BDP1: variants seen among roughly 807,000 people sequenced by gnomAD.
The protein encoded by BDP1 is BDP1 general transcription factor IIIB subunit, also known as transcription factor TFIIIB component B'' homolog.
Under a neutral mutation model 266.6 loss-of-function variants are expected in BDP1, and 169 were observed. The ratio of observed to expected loss-of-function variants is 0.63; its 90% CI spans 0.56 to 0.72. The LOEUF is 0.72. Ranked by LOEUF, BDP1 falls within the 30% of genes least tolerant of loss-of-function variation. The pLI, the probability that BDP1 is intolerant of heterozygous loss-of-function variation, is 0.00. For synonymous variants in BDP1, 1,090 were observed against 1,022.4 expected, an observed-to-expected ratio of 1.07 and a Z score of -1.26; for missense variants, 3,015 against 3,053.8, an observed-to-expected ratio of 0.99 and a Z score of 0.30.
At chr5:71,574,220 G>T in the BDP1 span, among the ~76,000 whole-genome samples, 1 of 152,114 alleles carries the variant, frequency 6.6e-6, no homozygotes, top group African/African-American at 2.4e-5. Flanking sequence ...AAGGAATGCC[G>T]CCAGATCTCA....
rs757987230 is a variant in BDP1 at position 71,458,797 on chromosome 5, G to A, written c.431G>A (p.Arg144Gln). The change falls in exon 2 of 39, where the codon CGA becomes CAA. Residue 144 changes from arginine (R) to glutamine (Q), a missense_variant. Physicochemically the swap from Arg to Gln is conservative, Grantham distance 43. Transcript: ENST00000358731. ...AAACAGCCATGCTCAGACAGATACC[G>A]AATATACAAAGCCCAGAAACTGAGG... ...KEKQPCSDRY[R>Q]IYKAQKLREM... 6.2e-6 allele frequency: 10 copies of A among 1,613,884 alleles called. No individual in the cohort carries two copies. The highest frequency in any genetic ancestry group is 3.3e-5 in the Admixed American group (2 of 59,978).
intron 26 of BDP1, among the ~76,000 whole-genome samples, chr5:71,534,025 T>C (rs1766430954): frequency 6.6e-6 from 1 of 152,230 alleles, no homozygotes; most frequent in Admixed American, 6.5e-5. Flanking sequence ...TTTGCAAATA[T>C]TTCCTCCCTT....
chr5:71,541,625 G>T lies in BDP1; in HGVS notation c.6194G>T (p.Ser2065Ile), dbSNP rs375245825. Residue 2065 changes from serine to isoleucine, a missense_variant, in exon 29 of 39, where the codon AGT becomes ATT. Physicochemically the swap from Ser to Ile is moderately radical, Grantham distance 142 (BLOSUM62 -2). This residue lies in a region of BDP1 where 2,383 missense variants were observed against 2,404.9 expected (regional missense o/e 0.99). Transcript: ENST00000358731. ...EENKIVLEEQ[S>I]SREEISLMEK... is the part of the protein sequence containing the mutation. Reference sequence around the variant, plus strand: ...AACAAGATTGTATTGGAGGAACAAAGTTCCAGAGAAGAAATAAGTTTAATG... The same window carrying T: ...AACAAGATTGTATTGGAGGAACAAATTTCCAGAGAAGAAATAAGTTTAATG... 1 of 1,611,540 alleles carries T rather than the reference G, an allele frequency of 6.2e-7. No individual in the cohort carries two copies. Among genetic ancestry groups the T allele is most frequent in the African/African-American group, 1.3e-5 (1 of 74,858 alleles).
chr5:71,455,899 A>C lies in BDP1; in HGVS notation c.22A>C (p.Ser8Arg). 1 of 1,600,300 alleles carries C rather than the reference A, an allele frequency of 6.2e-7. No individual in the cohort carries two copies. Among genetic ancestry groups the C allele is most frequent in the Non-Finnish European group, 8.5e-7 (1 of 1,173,798 alleles). Residue 8 changes from serine to arginine, a missense_variant, in exon 1 of 39, where the codon AGC becomes CGC. Ser to Arg is a moderately radical substitution (Grantham distance 110). This residue lies in a region of BDP1 where 2,383 missense variants were observed against 2,404.9 expected (regional missense o/e 0.99). Coordinates refer to ENST00000358731, the MANE Select transcript of BDP1 (RefSeq NM_018429.3). ...CGCCATGTTCCGCAGGGCACGCCTT[A>C]GCGTGAAGCCGAATGTCAGGCCTGG... The part of the protein sequence containing the change: MFRRARL[S>R]VKPNVRPGVG...
rs973690383 is a variant in BDP1, at chr5:71,522,402, A to T, written c.5105A>T (p.Glu1702Val). 1.9e-6 allele frequency: 3 copies of T among 1,613,938 alleles called. No homozygotes were observed. The highest frequency in any genetic ancestry group is 2.7e-5 in the African/African-American group (2 of 74,910). ...AHSKKEEPVL[E>V]KVTTDQSKEG... ...AGTAAGAAAGAGGAACCAGTTTTAG[A>T]AAAAGTCACAACAGATCAGAGCAAG... is the stretch of plus-strand genomic sequence containing the variant. The change falls in exon 23 of 39, where the codon GAA (glutamate) becomes GTA (valine). Residue 1702 changes from glutamate (E) to valine (V), a missense_variant. Physicochemically the swap from Glu to Val is moderately radical, Grantham distance 121 (BLOSUM62 -2). Transcript: ENST00000358731.
At chr5:71,571,785 C>T (rs997246075), downstream of BDP1, among the ~76,000 whole-genome samples, 1 of 152,104 alleles carries the variant, frequency 6.6e-6, no homozygotes, top group Admixed American at 6.6e-5. Flanking sequence ...AGGCATGCCC[C>T]ACTATTTTGT....
intron 4 of BDP1, among the ~76,000 whole-genome samples, chr5:71,465,269 A>G (rs1447743897): frequency 5.9e-5 from 9 of 151,770 alleles, no homozygotes; most frequent in Admixed American, 5.9e-4. Context: ...ATATAACTAT[A>G]AGCATTATTA....
At chr5:71,562,187 C>G (rs1205802333) in intron 37 of BDP1, 87 bp from the exon 38 acceptor site, 32 of 1,285,102 alleles carry the variant, frequency 2.5e-5, no homozygotes, top group Non-Finnish European at 3.0e-5. Flanking sequence ...GAGAGTGAGA[C>G]TGCGTCTCAA....
chr5:71,549,456 A>T lies in BDP1; in HGVS notation c.6845A>T (p.Asp2282Val), dbSNP rs1276997275. ...LVANVPQDGEDEQAFILTLVE... is the reference protein window; with the variant it reads ...LVANVPQDGEVEQAFILTLVE... ...GCTAATGTACCTCAAGATGGAGAAG[A>T]TGAACAAGCCTTTATTTTAACTCTG... Residue 2282 changes from aspartate to valine, a missense_variant, in exon 34 of 39, where the codon GAT becomes GTT. Physicochemically the swap from Asp to Val is radical, Grantham distance 152. Around this residue, in one of 3 missense-constraint regions of BDP1, gnomAD observed 629 missense variants for 632.5 expected, o/e 0.99. Transcript: ENST00000358731. The T allele has an allele frequency of 1.2e-6, 2 of 1,614,028 alleles. No individual in the cohort carries two copies. Among genetic ancestry groups the T allele is most frequent in the Admixed American group, 3.3e-5 (2 of 59,980 alleles).
chr5:71,536,888 G>A (rs541242779), intron 26 of BDP1, among the ~76,000 whole-genome samples: 21 of 152,088 alleles, frequency 1.4e-4, no homozygotes, highest in Middle Eastern at 6.8e-3. Context: ...CAGCACTTTG[G>A]GAGGCCGAGG....
intron 3 of BDP1, among the ~76,000 whole-genome samples, chr5:71,463,022 A>G (rs1761675584): frequency 6.6e-6 from 1 of 152,122 alleles, no homozygotes; most frequent in African/African-American, 2.4e-5. Flanking sequence ...CTGAGGTGGG[A>G]GGATCACTTG....
At chr5:71,550,435 C>T (rs576169461) in intron 34 of BDP1, among the ~76,000 whole-genome samples, 13 of 150,114 alleles carry the variant, frequency 8.7e-5, no homozygotes, top group East Asian at 5.9e-4. Context: ...GCTACAGGTG[C>T]GCACCACTGT....
chr5:71,534,018 G>A (rs1766430270), intron 26 of BDP1, among the ~76,000 whole-genome samples: 1 of 152,066 alleles, frequency 6.6e-6, no homozygotes, highest in African/African-American at 2.4e-5. Context: ...TATATGATTT[G>A]CAAATATTTC....
Position 71,466,127 on chromosome 5 carries a change from G to A in BDP1, c.691G>A (p.Asp231Asn), listed in dbSNP as rs780339384. Residue 231 changes from aspartate to asparagine, a missense_variant, in exon 5 of 39, where the codon GAT (aspartate) becomes AAT (asparagine). Around this residue, in one of 3 missense-constraint regions of BDP1, gnomAD observed 2,383 missense variants for 2,404.9 expected, o/e 0.99. Transcript: ENST00000358731. ...QEGKSTPNAE[D>N]NEMEEETDDG... The stretch of plus-strand genomic sequence containing the variant: ...AGGTAAGAGTACTCCTAATGCTGAA[G>A]ATAATGAAATGGAAGAAGAGACAGA... The A allele has an allele frequency of 2.5e-6, 4 of 1,613,742 alleles. No individual in the cohort carries two copies. Among genetic ancestry groups the A allele is most frequent in the South Asian group, 2.2e-5 (2 of 91,072 alleles).
At chr5:71,500,427 C>T (rs1353580135) in intron 13 of BDP1, among the ~76,000 whole-genome samples, 2 of 147,106 alleles carry the variant, frequency 1.4e-5, no homozygotes, top group African/African-American at 5.1e-5. Context: ...TGGGTTCAGG[C>T]GATTCCCCTG....
At position 71,455,687 on chromosome 5, in the gene BDP1, A is replaced by G; in HGVS notation, c.-191A>G. The G allele has an allele frequency of 1.6e-6, 1 of 606,646 alleles. No individual in the cohort carries two copies. The highest frequency in any genetic ancestry group is 1.9e-5 in the African/African-American group (1 of 53,974). 37.6% of individuals were successfully genotyped at this position (606,646 alleles called of 1,614,324 possible). A position where few individuals can be genotyped will look rare whatever the true frequency, so the allele number is the denominator to read the frequency against. On this transcript the variant is annotated 5_prime_UTR_variant, in exon 1 of 39. It removes an upstream start codon present in the reference 5' UTR. Coordinates refer to ENST00000358731, the MANE Select transcript of BDP1 (RefSeq NM_018429.3). ...TTAGCCATCGGTGTGTGGCAGGGTC[A>G]TGAAAAAGCGGCGGCGGCGGGAGAG...
chr5:71,539,221 T>G (rs1047952628), intron 27 of BDP1, 143 bp downstream of exon 27: 1 of 606,006 alleles, frequency 1.7e-6, no homozygotes, highest in Non-Finnish European at 2.9e-6. Context: ...CTGTGAGAAA[T>G]GTGGATTCTT....
chr5:71,548,889 G>A, intron 33 of BDP1, 144 bp downstream of exon 33: 1 of 651,932 alleles, frequency 1.5e-6, no homozygotes, highest in Non-Finnish European at 2.7e-6. Flanking sequence ...ACACCTTGAA[G>A]TATTTTGTGT....
intron 32 of BDP1, 110 bp from the exon 33 acceptor site, chr5:71,548,572 T>C: frequency 1.4e-6 from 1 of 700,006 alleles, no homozygotes; most frequent in Non-Finnish European, 2.6e-6. Flanking sequence ...AAACTGTATA[T>C]GGTTAGATGT....
Sources: allele counts gnomAD v4.1 joint callset (sites outside exome capture counted in the v4.1 genomes callset), GRCh38; gene constraint gnomAD v4.1.1; regional missense constraint gnomAD v4.1.1; transcripts MANE v1.5; gene names NCBI Gene and HGNC (gene_info 2026-07-23, HGNC 2026-07-21).